STIM2: variants seen among roughly 807,000 people sequenced by gnomAD.
The protein encoded by STIM2 is stromal interaction molecule 2.
A neutral mutation model predicts 85.8 loss-of-function variants in STIM2; 31 were observed. The ratio of observed to expected loss-of-function variants is 0.36; its 90% confidence interval spans 0.27 to 0.49. The LOEUF is 0.49. STIM2 is among the 20% of genes least tolerant of loss of function. The probability of loss-of-function intolerance (pLI) is 0.98; values close to 1 mark genes in which losing one functional copy is unlikely to be tolerated. For synonymous variants in STIM2, 356 were observed against 331.1 expected (o/e 1.08, Z -0.82); for missense variants, 841 against 927.6 (o/e 0.91, Z 1.21).
intron 3 of STIM2, among the ~76,000 whole-genome samples, chr4:26,974,561 C>T (rs555097890): frequency 2.6e-5 from 4 of 152,186 alleles, no homozygotes; most frequent in Non-Finnish European, 4.4e-5. Context: ...TGTTGAATAT[C>T]GACCTCCACT....
Position 26,885,061 on chromosome 4 carries a change from G to C in STIM2, c.151+23692G>C, listed in dbSNP as rs1380367827. Among the ~76,000 whole-genome samples the C allele has an allele frequency of 2.0e-5, 3 of 152,158 alleles. No individual in the cohort carries two copies. The East Asian group carries it at 5.8e-4, about 29-fold the overall frequency. On this transcript the variant is annotated intron_variant, in intron 1 of 11. Transcript: ENST00000467087. ...TCTACTTTCTTAATCAGAATGTATT[G>C]GGTACAGTTAATGGGTACAATATTA...
Position 26,868,066 on chromosome 4 carries a change from T to C in STIM2, c.151+6697T>C, listed in dbSNP as rs142796362. Among the ~76,000 whole-genome samples the C allele has an allele frequency of 9.5e-4, 145 of 152,356 alleles. 1 individual carries two copies. Among genetic ancestry groups the C allele is most frequent in the African/African-American group, 3.3e-3 (138 of 41,586 alleles). ...GAGAGTAATTTCCTTTCTACTAGGC[T>C]TTGTCAGCCATATCCTTTAAAGTGA... On this transcript the variant is annotated intron_variant, in intron 1 of 11. Coordinates refer to ENST00000467087, the MANE Select transcript of STIM2 (RefSeq NM_020860.4).
chr4:27,015,020 A>G (rs1268773259), intron 10 of STIM2, among the ~76,000 whole-genome samples: 1 of 151,854 alleles, frequency 6.6e-6, no homozygotes, highest in Non-Finnish European at 1.5e-5. Flanking sequence ...TATCTTTTTC[A>G]CGTTCTTCAA....
Position 26,860,924 on chromosome 4 carries a change from CTTTTTTT to C in STIM2, c.-283_-277del, listed in dbSNP as rs529396311. The C allele has an allele frequency of 8.9e-6, 9 of 1,010,472 alleles. No individual in the cohort carries two copies. The highest frequency in any genetic ancestry group is 4.3e-5 in the South Asian group (2 of 46,370). 62.6% of individuals were successfully genotyped at this position (1,010,472 alleles called of 1,614,324 possible). ...GACGCCGTACCTTTCTACCCCCCAC[CTTTTTTT>C]TTTTTTTTTTTAAATAACCGGAACC... On this transcript the variant is annotated 5_prime_UTR_variant, in exon 1 of 12. Coordinates refer to ENST00000467087, the MANE Select transcript of STIM2 (RefSeq NM_020860.4).
chr4:26,894,394 T>C (rs574882005), intron 1 of STIM2, among the ~76,000 whole-genome samples: 1 of 152,214 alleles, frequency 6.6e-6, no homozygotes, highest in Non-Finnish European at 1.5e-5. Context: ...TTTTCTATTC[T>C]GTCTTTTATT....
At chr4:26,978,611 G>T (rs1246767179) in intron 3 of STIM2, among the ~76,000 whole-genome samples, 1 of 152,226 alleles carries the variant, frequency 6.6e-6, no homozygotes, top group African/African-American at 2.4e-5. Context: ...GCCTGTTCTA[G>T]TTAGAGAAAT....
chr4:26,947,628 G>A (rs1187485865), intron 2 of STIM2, among the ~76,000 whole-genome samples: 2 of 152,048 alleles, frequency 1.3e-5, no homozygotes, highest in Non-Finnish European at 2.9e-5. Flanking sequence ...TCTTTGCCAC[G>A]AGGGCCAACA....
chr4:27,004,849 A>G (rs952712045), intron 7 of STIM2, among the ~76,000 whole-genome samples: 2 of 152,206 alleles, frequency 1.3e-5, no homozygotes, highest in South Asian at 2.1e-4. Flanking sequence ...CAATTTTCTG[A>G]GGGCTTACTG....
intron 1 of STIM2, among the ~76,000 whole-genome samples, chr4:26,879,133 A>G (rs13150500): frequency 0.065 from 9,893 of 152,222 alleles, 428 homozygotes; most frequent in Middle Eastern, 0.12. Flanking sequence ...AGGCCAGTAA[A>G]CTTTTCAATT....
intron 3 of STIM2, among the ~76,000 whole-genome samples, chr4:26,983,755 A>T (rs553894888): frequency 1.3e-5 from 2 of 152,270 alleles, no homozygotes; most frequent in South Asian, 4.1e-4. Flanking sequence ...TTTTTTGTTG[A>T]ACTCCCTCTA....
At chr4:26,913,529 G>A (rs1724418057) in intron 1 of STIM2, among the ~76,000 whole-genome samples, 1 of 152,108 alleles carries the variant, frequency 6.6e-6, no homozygotes, top group Non-Finnish European at 1.5e-5. Flanking sequence ...CTTTAGGCCT[G>A]GGGAATACTG....
chr4:26,879,103 T>C (rs550527770), intron 1 of STIM2, among the ~76,000 whole-genome samples: 2 of 152,338 alleles, frequency 1.3e-5, no homozygotes, highest in South Asian at 4.1e-4. Context: ...GCATTCAGAT[T>C]GACTCATCAG....
intron 1 of STIM2, among the ~76,000 whole-genome samples, chr4:26,878,473 C>A (rs1258775847): frequency 1.3e-5 from 2 of 152,098 alleles, no homozygotes; most frequent in African/African-American, 4.8e-5. Flanking sequence ...CTATCTCTCC[C>A]CTAGGAGCAG....
At position 26,957,663 on chromosome 4, in the gene STIM2, C is replaced by T. The variant is rs1038044392; in HGVS notation, c.334C>T (p.Leu112=). The change falls in exon 3 of 12, where the codon CTG becomes TTG. Residue 112 remains leucine, a synonymous_variant. Coordinates refer to ENST00000467087, the MANE Select transcript of STIM2 (RefSeq NM_020860.4). ...AGATGCTACTAATAAACACAGCCAT[C>T]TGCACAGAGAAGATAAACATATAAC... The T allele has an allele frequency of 9.4e-6, 15 of 1,594,086 alleles. No homozygotes were observed. Among genetic ancestry groups the T allele is most frequent in the Middle Eastern group, 1.7e-4 (1 of 6,028 alleles).
chr4:26,970,147 C>T (rs1280613312), intron 3 of STIM2, among the ~76,000 whole-genome samples: 2 of 148,188 alleles, frequency 1.3e-5, no homozygotes, highest in African/African-American at 5.0e-5. Flanking sequence ...ATTCTCATAG[C>T]TGCTTCTGTA....
In STIM2 at chr4:27,002,141, C is replaced by T. The variant is rs1337029422; in HGVS notation, c.626-76C>T. On this transcript the variant is annotated intron_variant, in intron 5 of 11. Coordinates refer to ENST00000467087, the MANE Select transcript of STIM2 (RefSeq NM_020860.4). The stretch of plus-strand genomic sequence containing the variant: ...ATTTTTGGTTTTGTTTTAGATACTA[C>T]TTAAAAAATGTCTTTTTGTATTGAG... The T allele has an allele frequency of 5.0e-6, 7 of 1,411,782 alleles. No individual in the cohort carries two copies. The East Asian group carries it at 1.7e-4, about 34-fold the overall frequency. The allele number at this position is 1,411,782 out of a possible 1,614,324, so 87.5% of individuals were successfully genotyped here. A position where few individuals can be genotyped will look rare whatever the true frequency, so the allele number is the denominator to read the frequency against.
In STIM2 at chr4:26,995,459, G is replaced by A; in HGVS notation, c.478G>A (p.Asp160Asn). The change falls in exon 4 of 12, where the codon GAC becomes AAC. Residue 160 changes from aspartate to asparagine, a missense_variant. Asp to Asn is a conservative substitution (Grantham distance 23, BLOSUM62 1). This residue lies in a region of STIM2 where 408 missense variants were observed against 525.4 expected (regional missense o/e 0.78). Coordinates refer to ENST00000467087, the MANE Select transcript of STIM2 (RefSeq NM_020860.4). Reference sequence around the variant, plus strand: ...ACCCCAATATGAGAAGAATTTTAGAGACAACAATGTCAAAGGAACGACACT... The same window carrying A: ...ACCCCAATATGAGAAGAATTTTAGAAACAACAATGTCAAAGGAACGACACT... 6.2e-7 allele frequency: 1 copy of A among 1,601,458 alleles called. No homozygotes were observed. The highest frequency in any genetic ancestry group is 8.5e-7 in the Non-Finnish European group (1 of 1,174,282).
At chr4:26,981,008 A>G (rs1264211707) in intron 3 of STIM2, among the ~76,000 whole-genome samples, 1 of 152,188 alleles carries the variant, frequency 6.6e-6, no homozygotes, top group Non-Finnish European at 1.5e-5. Context: ...AAACTTAGGT[A>G]TTCTGAGGCT....
At chr4:26,960,515 CT>C (rs1726411152) in intron 3 of STIM2, among the ~76,000 whole-genome samples, 2 of 152,096 alleles carry the variant, frequency 1.3e-5, no homozygotes, top group Admixed American at 6.5e-5. Context: ...TAAATATTCA[CT>C]TTGATATTCA....
Sources: allele counts gnomAD v4.1 joint callset (sites outside exome capture counted in the v4.1 genomes callset), GRCh38; gene constraint gnomAD v4.1.1; regional missense constraint gnomAD v4.1.1; transcripts MANE v1.5; gene names NCBI Gene and HGNC (gene_info 2026-07-23, HGNC 2026-07-21).